NIBAN1: variants seen among roughly 807,000 people sequenced by gnomAD.
The protein encoded by NIBAN1 is protein Niban 1.
A neutral mutation model predicts 75.1 loss-of-function variants in NIBAN1; 81 were observed. The observed-to-expected ratio is 1.08, with a 90% confidence interval of 0.90 to 1.30. The LOEUF (loss-of-function observed/expected upper bound fraction) is 1.30. NIBAN1 is among the 50% of genes most tolerant of loss of function. NIBAN1 has a pLI of 0.00. For synonymous variants in NIBAN1, 436 were observed against 424.8 expected, an observed-to-expected ratio of 1.03 and a Z score of -0.32; for missense variants, 1,133 against 1,128.1, an observed-to-expected ratio of 1.00 and a Z score of -0.06.
At chr1:184,966,714 A>C (rs1658793548) in intron 1 of NIBAN1, among the ~76,000 whole-genome samples, 1 of 152,078 alleles carries the variant, frequency 6.6e-6, no homozygotes, top group African/African-American at 2.4e-5. Context: ...TCACTAAGCT[A>C]TGCATTTGTT....
intron 13 of NIBAN1, among the ~76,000 whole-genome samples, chr1:184,796,389 T>G (rs1243648974): frequency 6.6e-6 from 1 of 152,246 alleles, no homozygotes; most frequent in Non-Finnish European, 1.5e-5. Flanking sequence ...ACTCAGGGTC[T>G]GCAGTAGTGT....
At chr1:184,800,378 C>T (rs1438271164) in intron 12 of NIBAN1, among the ~76,000 whole-genome samples, 3 of 151,568 alleles carry the variant, frequency 2.0e-5, no homozygotes, top group Admixed American at 6.6e-5. Flanking sequence ...AATTAGATCC[C>T]ATTTGTCAAT....
chr1:184,823,463 A>G, intron 7 of NIBAN1, 134 bp from the exon 8 acceptor site: 1 of 1,344,900 alleles, frequency 7.4e-7, no homozygotes, highest in Non-Finnish European at 1.0e-6. Context: ...TTTTCTTTCA[A>G]AGTTGGAGTC....
chr1:184,929,267 TAA>T (rs1333415950), intron 1 of NIBAN1, among the ~76,000 whole-genome samples: 1 of 152,188 alleles, frequency 6.6e-6, no homozygotes, highest in African/African-American at 2.4e-5. Context: ...TCACCAAGTT[TAA>T]GAGTAAAATT....
At chr1:184,807,455 A>G (rs1182144238) in intron 10 of NIBAN1, among the ~76,000 whole-genome samples, 1 of 152,196 alleles carries the variant, frequency 6.6e-6, no homozygotes, top group African/African-American at 2.4e-5. Flanking sequence ...GCTGCATATT[A>G]GAAACAGTAG....
chr1:184,952,483 G>A (rs564725939), intron 1 of NIBAN1, among the ~76,000 whole-genome samples: 10 of 152,344 alleles, frequency 6.6e-5, no homozygotes, highest in African/African-American at 2.2e-4. Context: ...CCAGTCTTTG[G>A]GATTCCCCGG....
intron 6 of NIBAN1, among the ~76,000 whole-genome samples, chr1:184,831,205 A>G (rs1364312957): frequency 2.0e-5 from 3 of 152,182 alleles, no homozygotes; most frequent in East Asian, 1.9e-4. Flanking sequence ...GCATCTAGTC[A>G]GGATCATGAG....
chr1:184,884,522 G>A, intron 5 of NIBAN1, 111 bp downstream of exon 5: 1 of 1,425,916 alleles, frequency 7.0e-7, no homozygotes, highest in Non-Finnish European at 9.5e-7. Flanking sequence ...ACCGCACTTG[G>A]CTCATCTGTG....
chr1:184,926,588 C>G, intron 1 of NIBAN1, among the ~76,000 whole-genome samples: 1 of 152,104 alleles, frequency 6.6e-6, no homozygotes, highest in East Asian at 1.9e-4. Flanking sequence ...AGGATCCTTT[C>G]TTTATCCTTG....
intron 3 of NIBAN1, among the ~76,000 whole-genome samples, chr1:184,891,141 C>T (rs1193265011): frequency 6.6e-6 from 1 of 152,122 alleles, no homozygotes; most frequent in Non-Finnish European, 1.5e-5. Context: ...CCAAATGAAA[C>T]AAACTCTCAG....
intron 5 of NIBAN1, among the ~76,000 whole-genome samples, chr1:184,840,878 C>T (rs1655268072): frequency 6.6e-6 from 1 of 151,742 alleles, no homozygotes; most frequent in South Asian, 2.1e-4. Flanking sequence ...GGGTAAAGGG[C>T]TGAGGTTATT....
chr1:184,925,082 G>A (rs1324130057), intron 1 of NIBAN1, among the ~76,000 whole-genome samples: 1 of 151,526 alleles, frequency 6.6e-6, no homozygotes, highest in African/African-American at 2.4e-5. Flanking sequence ...TAATATCTGG[G>A]TGCTCTAGTG....
intron 1 of NIBAN1, among the ~76,000 whole-genome samples, chr1:184,953,519 T>G (rs1658409426): frequency 1.3e-5 from 2 of 152,340 alleles, no homozygotes; most frequent in South Asian, 4.1e-4. Flanking sequence ...TATTTCTCCT[T>G]AGAATGAACA....
At chr1:184,899,345 G>A in intron 1 of NIBAN1, 36 bp from the exon 2 acceptor site, 1 of 1,609,202 alleles carries the variant, frequency 6.2e-7, no homozygotes, top group South Asian at 1.1e-5. Flanking sequence ...CTTAAGTATA[G>A]CACAGAATAT....
chr1:184,893,192 A>T lies in NIBAN1; in HGVS notation c.318+883T>A, dbSNP rs933758310. Among the ~76,000 whole-genome samples, 18 of 152,314 alleles carry T rather than the reference A, an allele frequency of 1.2e-4. 1 individual carries two copies. The highest frequency in any genetic ancestry group is 2.6e-4 in the African/African-American group (11 of 41,566). On this transcript the variant is annotated intron_variant, in intron 3 of 13. Coordinates refer to ENST00000367511, the MANE Select transcript of NIBAN1 (RefSeq NM_052966.4). ...GCTTGAGGGTCTATGCAGACTAAAA[A>T]ATGTGTACAGTATGAGATCTGGGAG...
intron 1 of NIBAN1, among the ~76,000 whole-genome samples, chr1:184,944,085 A>G (rs191697907): frequency 1.4e-3 from 208 of 152,330 alleles, no homozygotes; most frequent in Middle Eastern, 3.4e-3. Flanking sequence ...TGGAGCATCA[A>G]GAAGTCATAT....
chr1:184,955,201 A>G (rs1658452688), intron 1 of NIBAN1, among the ~76,000 whole-genome samples: 1 of 152,112 alleles, frequency 6.6e-6, no homozygotes, highest in Non-Finnish European at 1.5e-5. Context: ...AACTTGCATC[A>G]TATCTTAATT....
At chr1:184,860,294 G>A (rs1267737547) in intron 5 of NIBAN1, among the ~76,000 whole-genome samples, 4 of 151,792 alleles carry the variant, frequency 2.6e-5, no homozygotes, top group Admixed American at 6.6e-5. Context: ...CCAGGGAGAC[G>A]GGGGCAGATC....
At position 184,808,199 on chromosome 1, in the gene NIBAN1, C is replaced by T. The variant is rs372717314; in HGVS notation, c.1210G>A (p.Val404Met). ...TTAGTATAACAAGGTTCCATCTTCA[C>T]GGAATGCAGCGGAAGATTCATAAGC... The part of the protein sequence containing the change: ...DRLMNLPLHS[V>M]KMEPCYTKVN... The change falls in exon 10 of 14, where the codon GTG becomes ATG. Residue 404 changes from valine to methionine, a missense_variant. Physicochemically the swap from Val to Met is conservative, Grantham distance 21. Transcript: ENST00000367511. The T allele has an allele frequency of 2.0e-5, 32 of 1,613,940 alleles. No homozygotes were observed. Among genetic ancestry groups the T allele is most frequent in the Admixed American group, 6.7e-5 (4 of 59,998 alleles).
Sources: gnomAD v4.1 joint callset for allele counts (sites outside exome capture counted in the v4.1 genomes callset) on GRCh38, gnomAD v4.1.1 for gene constraint, MANE v1.5 for transcripts, NCBI Gene and HGNC (gene_info 2026-07-23, HGNC 2026-07-21) for gene names.